Variants in SF3A3 observed in about 807,000 individuals in gnomAD.
SF3A3 encodes splicing factor 3a subunit 3.
SF3A3 carries 9 observed loss-of-function variants against 85.8 expected under a neutral mutation model. The observed-to-expected ratio is 0.10, with a 90% CI of 0.06 to 0.18. SF3A3 has a LOEUF of 0.18. SF3A3 is among the 10% of genes least tolerant of loss of function. The probability of loss-of-function intolerance (pLI) is 1.00; values close to 1 mark genes in which losing one functional copy is unlikely to be tolerated. For synonymous variants in SF3A3, 195 were observed against 204.4 expected (o/e 0.95, Z 0.39); for missense variants, 306 against 593.3 (o/e 0.52, Z 5.03).
At chr1:37,978,670 G>A in intron 11 of SF3A3, 50 bp downstream of exon 11, 1 of 1,205,884 alleles carries the variant, frequency 8.3e-7, no homozygotes, top group Non-Finnish European at 1.2e-6. Flanking sequence ...AATTCTGCAT[G>A]GGAATAACAT....
At chr1:37,966,075 C>T (rs184093515) in intron 15 of SF3A3, among the ~76,000 whole-genome samples, 17 of 151,750 alleles carry the variant, frequency 1.1e-4, no homozygotes, top group African/African-American at 3.4e-4. Flanking sequence ...TGGTGGCGAG[C>T]GCTTGTAATT....
At chr1:37,971,632 A>T (rs112245369) in intron 12 of SF3A3, among the ~76,000 whole-genome samples, 1 of 152,244 alleles carries the variant, frequency 6.6e-6, no homozygotes, top group East Asian at 1.9e-4. Context: ...AACTGAATCC[A>T]GCAGCACATC....
At chr1:37,969,505 C>T in intron 13 of SF3A3, 41 bp from the exon 14 acceptor site, 1 of 1,612,648 alleles carries the variant, frequency 6.2e-7, no homozygotes, top group South Asian at 1.1e-5. Flanking sequence ...GAAGTGTTAG[C>T]CTACTAAACT....
chr1:37,987,328 C>T (rs1427367088), intron 4 of SF3A3, among the ~76,000 whole-genome samples: 1 of 152,214 alleles, frequency 6.6e-6, no homozygotes, highest in South Asian at 2.1e-4. Flanking sequence ...ATCCACCCAC[C>T]TCAGCCTCCC....
intron 12 of SF3A3, among the ~76,000 whole-genome samples, chr1:37,971,967 C>T (rs969431056): frequency 6.6e-6 from 1 of 152,204 alleles, no homozygotes; most frequent in Non-Finnish European, 1.5e-5. Context: ...TGCCCTTTCT[C>T]ACCACTCCAA....
At chr1:37,977,082 A>G (rs1646384146) in intron 11 of SF3A3, 129 bp from the exon 12 acceptor site, 11 of 692,902 alleles carry the variant, frequency 1.6e-5, no homozygotes, top group Non-Finnish European at 2.6e-5. Context: ...GATGCTATGA[A>G]AGCAAATGCT....
intron 15 of SF3A3, among the ~76,000 whole-genome samples, chr1:37,964,640 T>A (rs1646286326): frequency 1.3e-5 from 2 of 151,600 alleles, no homozygotes; most frequent in Admixed American, 6.6e-5. Flanking sequence ...TGAAATGAAA[T>A]AAAAAAAGAA....
At chr1:37,965,386 A>G (rs1049777220) in intron 15 of SF3A3, among the ~76,000 whole-genome samples, 1 of 152,062 alleles carries the variant, frequency 6.6e-6, no homozygotes, top group African/African-American at 2.4e-5. Context: ...AAGAAATTAT[A>G]TAAGTTAAAG....
At chr1:37,989,714 G>T in intron 1 of SF3A3, 119 bp from the exon 2 acceptor site, 1 of 1,338,036 alleles carries the variant, frequency 7.5e-7, no homozygotes, top group Non-Finnish European at 1.0e-6. Flanking sequence ...GGCCTCTGGG[G>T]CTCCGGACCC....
At chr1:37,984,117 G>T in intron 6 of SF3A3, 52 bp downstream of exon 6, 1 of 976,702 alleles carries the variant, frequency 1.0e-6, no homozygotes, top group Non-Finnish European at 1.6e-6. Context: ...CCAGCCTACT[G>T]TCCTGACTCA....
At position 37,979,043 on chromosome 1, in the gene SF3A3, G is replaced by C; in HGVS notation, c.772C>G (p.Leu258Val). Residue 258 changes from leucine (L) to valine (V), a missense_variant, in exon 10 of 17, where the codon CTG becomes GTG. Physicochemically the swap from Leu to Val is conservative, Grantham distance 32. Transcript: ENST00000373019. ...GCAGATTTCAATCTGTCCAAACCCA[G>C]AGAAGCCAACTCCTATACAAAGAAG... ...AFSSWEELAS[L>V]GLDRLKSALL... 1 of 1,613,814 alleles carries C rather than the reference G, an allele frequency of 6.2e-7. No individual in the cohort carries two copies. Among genetic ancestry groups the C allele is most frequent in the Non-Finnish European group, 8.5e-7 (1 of 1,179,748 alleles).
At chr1:37,965,836 G>A (rs1238235316) in intron 15 of SF3A3, among the ~76,000 whole-genome samples, 2 of 151,034 alleles carry the variant, frequency 1.3e-5, no homozygotes, top group East Asian at 1.9e-4. Context: ...GGGGTGGGAT[G>A]GGGGGGTAAA....
rs145340718 is a variant in SF3A3 at position 37,964,123 on chromosome 1, G to C, written c.1372+3921C>G. On this transcript the variant is annotated intron_variant, in intron 15 of 16. Coordinates refer to ENST00000373019, the MANE Select transcript of SF3A3 (RefSeq NM_006802.4). Reference sequence around the variant, plus strand: ...TAACCCGGGAGGTGGAGGTTGCAGTGAGCAGAGATTGCGCCACTGCACTCC... The same window carrying C: ...TAACCCGGGAGGTGGAGGTTGCAGTCAGCAGAGATTGCGCCACTGCACTCC... 7.2e-3 allele frequency among the ~76,000 whole-genome samples: 1,091 copies of C among 152,104 alleles called. 17 individuals are homozygous for C. Among genetic ancestry groups the C allele is most frequent in the African/African-American group, 0.024 (1,005 of 41,540 alleles).
chr1:37,960,909 T>C (rs1646253447), intron 15 of SF3A3, among the ~76,000 whole-genome samples: 1 of 152,028 alleles, frequency 6.6e-6, no homozygotes, highest in South Asian at 2.1e-4. Flanking sequence ...CGCCTCGGCC[T>C]CCCAAAGTGC....
intron 15 of SF3A3, chr1:37,960,760 C>T (rs1451150592): frequency 6.6e-6 from 1 of 152,206 alleles, no homozygotes; most frequent in African/African-American, 2.4e-5. Context: ...ACGCCATTCT[C>T]CTGCCTCAGC....
intron 2 of SF3A3, 53 bp downstream of exon 2, chr1:37,989,495 T>G (rs1646479764): frequency 1.3e-6 from 2 of 1,593,226 alleles, no homozygotes; most frequent in South Asian, 2.2e-5. Context: ...TCACTTCCCC[T>G]CTCTTTTCCC....
rs140474335 is a variant in SF3A3, at chr1:37,958,672, G to C, written c.1429-409C>G. The stretch of plus-strand genomic sequence containing the variant: ...ATTGCAGGGGTTGAAAGGGAAGCCA[G>C]GAAGTCTGAGCTTCCCCATGTCCAG... On this transcript the variant is annotated intron_variant, in intron 16 of 16. Transcript: ENST00000373019. Among the ~76,000 whole-genome samples, 408 of 152,356 alleles carry C rather than the reference G, an allele frequency of 2.7e-3. 6 individuals carry two copies. The highest frequency in any genetic ancestry group is 9.3e-3 in the African/African-American group (387 of 41,588).
chr1:37,975,185 G>A (rs1348401742), intron 12 of SF3A3, among the ~76,000 whole-genome samples: 1 of 152,180 alleles, frequency 6.6e-6, no homozygotes, highest in Non-Finnish European at 1.5e-5. Context: ...GAACTGGTTG[G>A]AATTCCGAAG....
At chr1:37,980,134 C>CT (rs397711457) in intron 8 of SF3A3, among the ~76,000 whole-genome samples, 84 of 1,896 alleles carry the variant, frequency 0.044, no homozygotes, top group African/African-American at 0.33. Flanking sequence ...CTCAAAAAAA[C>CT]TCACATACGG....
Sources: allele counts gnomAD v4.1 joint callset (sites outside exome capture counted in the v4.1 genomes callset), GRCh38; gene constraint gnomAD v4.1.1; transcripts MANE v1.5; gene names NCBI Gene and HGNC (gene_info 2026-07-23, HGNC 2026-07-21).